MXD3: variants seen among roughly 807,000 people sequenced by gnomAD.
MXD3 encodes MAX dimerization protein 3, also known as Max-associated protein 3.
In MXD3, 20 loss-of-function variants were observed where a neutral mutation model predicts 27.5. The ratio of observed to expected loss-of-function variants is 0.73; its 90% CI spans 0.51 to 1.06. The LOEUF (loss-of-function observed/expected upper bound fraction) is 1.06, where lower values mean the gene tolerates loss of function less well. MXD3 is among the 50% of genes least tolerant of loss of function. The pLI, the probability that MXD3 is intolerant of heterozygous loss-of-function variation, is 0.00. For missense variants in MXD3, 298 were observed against 291.3 expected (o/e 1.02, Z -0.17); for synonymous variants, 150 against 130.7 (o/e 1.15, Z -1.01).
At chr5:177,305,911 A>T (rs761080194), downstream of MXD3, 25 of 1,614,082 alleles carry the variant, frequency 1.5e-5, no homozygotes, top group Middle Eastern at 1.6e-4. Flanking sequence ...AACTCTGACA[A>T]CAGTGGCTGG....
chr5:177,307,437 G>GTGTT lies in MXD3; in HGVS notation c.*147_*150dup. 2 of 1,512,402 alleles carry GTGTT rather than the reference G, an allele frequency of 1.3e-6. No homozygotes were observed. The highest frequency in any genetic ancestry group is 1.8e-6 in the Non-Finnish European group (2 of 1,121,616). The allele number at this position is 1,512,402 out of a possible 1,614,324, so 93.7% of individuals were successfully genotyped here. On this transcript the variant is annotated 3_prime_UTR_variant, in exon 6 of 6. Coordinates refer to ENST00000439742, the MANE Select transcript of MXD3 (RefSeq NM_031300.4). ...GGCCTGCCTGGCAGCCAGCAGCAGG[G>GTGTT]TGTTTGGGGAGCACCTGTTCCCACA...
Position 177,310,408 on chromosome 5 carries a change from C to G in MXD3, c.321+18G>C. 2.5e-6 allele frequency: 4 copies of G among 1,598,942 alleles called. No homozygotes were observed. The highest frequency in any genetic ancestry group is 8.5e-7 in the Non-Finnish European group (1 of 1,171,302). On this transcript the variant is annotated intron_variant, in intron 4 of 5. Coordinates refer to ENST00000439742, the MANE Select transcript of MXD3 (RefSeq NM_031300.4). ...ATACACCAGGGCAAGCCAGTCCGGGCGCAGTGGGGGGCCTCACCTGGATGT... is the reference window on the plus strand; with the variant it reads ...ATACACCAGGGCAAGCCAGTCCGGGGGCAGTGGGGGGCCTCACCTGGATGT...
chr5:177,306,325 T>G (rs1195828752), downstream of MXD3: 4 of 1,590,028 alleles, frequency 2.5e-6, no homozygotes, highest in African/African-American at 1.3e-5. Flanking sequence ...ACCTTTTTAG[T>G]GGAGCCTGGC....
downstream of MXD3, chr5:177,307,172 T>C (rs767781468): frequency 5.2e-6 from 8 of 1,549,338 alleles, no homozygotes; most frequent in South Asian, 9.5e-5. Context: ...TGGTTGGGAG[T>C]TCCCCCGTTT....
intron 4 of MXD3, 191 bp from the exon 5 acceptor site, chr5:177,308,155 G>A (rs1167511325): frequency 2.7e-5 from 16 of 589,104 alleles, no homozygotes; most frequent in Admixed American, 2.1e-4. Flanking sequence ...CCATGCACAC[G>A]TCCTGTCAGG....
At chr5:177,311,535 A>G (rs1321407725) in intron 1 of MXD3, 51 bp from the exon 2 acceptor site, 3 of 1,359,540 alleles carry the variant, frequency 2.2e-6, no homozygotes, top group Non-Finnish European at 2.9e-6. Flanking sequence ...ACCTGGTCCC[A>G]GCGGCAGCCC....
At chr5:177,307,155 G>A, downstream of MXD3, 1 of 1,544,132 alleles carries the variant, frequency 6.5e-7, no homozygotes, top group Non-Finnish European at 8.7e-7. Context: ...CTCTTCCAGT[G>A]GGTCTGTGGT....
chr5:177,307,837 C>T lies in MXD3; in HGVS notation c.449G>A (p.Arg150Gln), dbSNP rs759493630. The change falls in exon 5 of 6, where the codon CGG becomes CAG. Residue 150 changes from arginine to glutamine, a missense_variant. Arg to Gln is a conservative substitution (Grantham distance 43). Coordinates refer to ENST00000439742, the MANE Select transcript of MXD3 (RefSeq NM_031300.4). ...LAGAAERERL[R>Q]ADSLDSSGLS... Reference sequence around the variant, plus strand: ...GCCTGAGGAGTCCAGACTGTCCGCCCGCAGCCGCTCCCGCTCGGCCGCCCC... The same window carrying T: ...GCCTGAGGAGTCCAGACTGTCCGCCTGCAGCCGCTCCCGCTCGGCCGCCCC... 34 of 1,611,550 alleles carry T rather than the reference C, an allele frequency of 2.1e-5. No individual in the cohort carries two copies. The highest frequency in any genetic ancestry group is 3.3e-5 in the Admixed American group (2 of 59,930).
chr5:177,307,716 G>A lies in MXD3; in HGVS notation c.506-13C>T, dbSNP rs751313070. On this transcript the variant is annotated splice_polypyrimidine_tract_variant and intron_variant, in intron 5 of 5. Transcript: ENST00000439742. ...ACCTCCAGCTCCTCTGCGCGGGGAGGGGTCCGGTCAGAAGACCTGGCTCGC... is the reference window on the plus strand; with the variant it reads ...ACCTCCAGCTCCTCTGCGCGGGGAGAGGTCCGGTCAGAAGACCTGGCTCGC... The A allele has an allele frequency of 6.2e-6, 10 of 1,613,730 alleles. No individual in the cohort carries two copies. Among genetic ancestry groups the A allele is most frequent in the Non-Finnish European group, 8.5e-6 (10 of 1,179,924 alleles).
rs1014264855 is a variant in MXD3, at chr5:177,307,499, G to A, written c.*89C>T. On this transcript the variant is annotated 3_prime_UTR_variant, in exon 6 of 6. Coordinates refer to ENST00000439742, the MANE Select transcript of MXD3 (RefSeq NM_031300.4). Reference sequence around the variant, plus strand: ...TTAGTCCATTCCAACAGGTGACTCCGAGCAGCCCTGAAGGCTTGGGGAGGG... The same window carrying A: ...TTAGTCCATTCCAACAGGTGACTCCAAGCAGCCCTGAAGGCTTGGGGAGGG... 29 of 1,554,306 alleles carry A rather than the reference G, an allele frequency of 1.9e-5. No homozygotes were observed. The highest frequency in any genetic ancestry group is 3.3e-4 in the Middle Eastern group (2 of 6,020).
Position 177,307,647 on chromosome 5 carries a change from G to A in MXD3, c.562C>T (p.Arg188Trp), listed in dbSNP as rs72813183. The change falls in exon 6 of 6, where the codon CGG becomes TGG. Residue 188 changes from arginine (R) to tryptophan (W), a missense_variant. Physicochemically the swap from Arg to Trp is moderately radical, Grantham distance 101. Transcript: ENST00000439742. ...LVFGGEAELLRGFVAGQEHSY... is the reference protein window; with the variant it reads ...LVFGGEAELLWGFVAGQEHSY... ...TGCTCCTGGCCGGCGACGAAGCCCC[G>A]CAGCAGCTCGGCCTCACCCCCAAAC... 2.1e-5 allele frequency: 34 copies of A among 1,613,454 alleles called. No homozygotes were observed. The highest frequency in any genetic ancestry group is 1.6e-4 in the Middle Eastern group (1 of 6,062).
intron 4 of MXD3, among the ~76,000 whole-genome samples, chr5:177,309,124 A>T (rs1231105754): frequency 6.6e-6 from 1 of 152,196 alleles, no homozygotes; most frequent in Non-Finnish European, 1.5e-5. Context: ...ACAGGGAGAG[A>T]TGAGGCCAAA....
downstream of MXD3, chr5:177,306,186 TG>T (rs761272823): frequency 4.3e-6 from 7 of 1,610,012 alleles, no homozygotes; most frequent in East Asian, 4.5e-5. Flanking sequence ...GGTGAGTTTC[TG>T]GGTATGTGGA....
In MXD3 at chr5:177,307,650, G is replaced by T. The variant is rs200082572; in HGVS notation, c.559C>A (p.Leu187Met). 2.9e-5 allele frequency: 46 copies of T among 1,613,384 alleles called. No individual in the cohort carries two copies. The Admixed American group carries it at 7.5e-4, about 26-fold the overall frequency. Residue 187 changes from leucine (L) to methionine (M), a missense_variant, in exon 6 of 6, where the codon CTG becomes ATG. Leu to Met is a conservative substitution (Grantham distance 15, BLOSUM62 2). Transcript: ENST00000439742. ...SLVFGGEAELLRGFVAGQEHS... is the reference protein window; with the variant it reads ...SLVFGGEAELMRGFVAGQEHS... ...TCCTGGCCGGCGACGAAGCCCCGCA[G>T]CAGCTCGGCCTCACCCCCAAACACC...
intron 4 of MXD3, among the ~76,000 whole-genome samples, chr5:177,308,274 G>A (rs1227409840): frequency 6.6e-6 from 1 of 152,236 alleles, no homozygotes. Context: ...GGAACTGGGA[G>A]CAGGGTGCAC....
intron 4 of MXD3, among the ~76,000 whole-genome samples, chr5:177,309,205 C>CT (rs1181140621): frequency 2.6e-5 from 4 of 152,184 alleles, no homozygotes; most frequent in Non-Finnish European, 5.9e-5. Context: ...GGAGCAGAGG[C>CT]TTTGTCCTGT....
At position 177,308,041 on chromosome 5, in the gene MXD3, C is replaced by T. The variant is rs1050290527; in HGVS notation, c.322-77G>A. 214 of 1,353,524 alleles carry T rather than the reference C, an allele frequency of 1.6e-4. 1 individual carries two copies. The South Asian group carries it at 1.7e-3, about 11-fold the overall frequency. 83.8% of individuals were successfully genotyped at this position (1,353,524 alleles called of 1,614,324 possible). A position where few individuals can be genotyped will look rare whatever the true frequency, so the allele number is the denominator to read the frequency against. ...GCTGCACCCCAGCACCACTCAGTAC[C>T]GGGCCACGGCCACAGGGCCAATGCC... On this transcript the variant is annotated intron_variant, in intron 4 of 5. Transcript: ENST00000439742.
At chr5:177,306,690 G>A (rs1357709778), downstream of MXD3, 9 of 1,411,326 alleles carry the variant, frequency 6.4e-6, no homozygotes, top group Non-Finnish European at 8.6e-6. Context: ...GTGGTGGGTT[G>A]TGGGGATGCA....
rs532886861 is a variant in MXD3 at position 177,310,672 on chromosome 5, G to C, written c.202C>G (p.Arg68Gly). Residue 68 changes from arginine to glycine, a missense_variant, in exon 3 of 6, where the codon CGC becomes GGC. Transcript: ENST00000439742. ...CAGGGCAGGACTGGGACTCACCTGC[G>C]CTTCTCCAGTTCATTGTGCACTGAC... ...GRSVHNELEKRRRAQLKRCLE... is the reference protein window; with the variant it reads ...GRSVHNELEKGRRAQLKRCLE... The C allele has an allele frequency of 6.2e-7, 1 of 1,614,184 alleles. No homozygotes were observed. Among genetic ancestry groups the C allele is most frequent in the East Asian group, 2.2e-5 (1 of 44,886 alleles).
Sources: gnomAD v4.1 joint callset for allele counts (sites outside exome capture counted in the v4.1 genomes callset) on GRCh38, gnomAD v4.1.1 for gene constraint, MANE v1.5 for transcripts, NCBI Gene and HGNC (gene_info 2026-07-23, HGNC 2026-07-21) for gene names.